MGAT4C: variants seen among roughly 807,000 people sequenced by gnomAD.
MGAT4C encodes the protein MGAT4 family member C, also known as alpha-1,3-mannosyl-glycoprotein 4-beta-N-acetylglucosaminyltransferase C.
In MGAT4C, 19 loss-of-function variants were observed where a neutral mutation model predicts 40.1. The ratio of observed to expected loss-of-function variants is 0.47; its 90% CI spans 0.33 to 0.70. The LOEUF is 0.70. MGAT4C is among the 30% of genes least tolerant of loss of function. The pLI is 0.02. For missense variants in MGAT4C, 491 were observed against 563.2 expected, an observed-to-expected ratio of 0.87 and a Z score of 1.30; for synonymous variants, 181 against 187.1, an observed-to-expected ratio of 0.97 and a Z score of 0.27.
intron 4 of MGAT4C, among the ~76,000 whole-genome samples, chr12:86,319,925 T>G (rs1954338601): frequency 6.6e-6 from 1 of 152,170 alleles, no homozygotes; most frequent in South Asian, 2.1e-4. Flanking sequence ...ATTTTAATTC[T>G]CATAAATTAG....
intron 2 of MGAT4C, among the ~76,000 whole-genome samples, chr12:86,628,007 A>G (rs1277212871): frequency 2.7e-5 from 4 of 150,914 alleles, no homozygotes; most frequent in Admixed American, 2.6e-4. Context: ...AAAAAAGATT[A>G]GATGTATGGC....
At chr12:86,814,747 G>A (rs1207910983) in intron 1 of MGAT4C, among the ~76,000 whole-genome samples, 2 of 151,880 alleles carry the variant, frequency 1.3e-5, no homozygotes, top group African/African-American at 4.8e-5. Flanking sequence ...TGGGATGAGT[G>A]CCCTTATAAA....
At chr12:86,261,557 TATATA>T (rs1952658680) in intron 4 of MGAT4C, among the ~76,000 whole-genome samples, 2 of 152,108 alleles carry the variant, frequency 1.3e-5, no homozygotes, top group South Asian at 4.1e-4. Flanking sequence ...ACTTTTAAGA[TATATA>T]ATAATGTCAT....
chr12:86,206,129 G>A (rs916024196), intron 1 of MGAT4C, among the ~76,000 whole-genome samples: 1 of 152,108 alleles, frequency 6.6e-6, no homozygotes. Context: ...CAATGTGGCA[G>A]TATTGAGAGA....
chr12:86,168,295 A>G (rs1336231633), intron 1 of MGAT4C, among the ~76,000 whole-genome samples: 1 of 152,180 alleles, frequency 6.6e-6, no homozygotes, highest in African/African-American at 2.4e-5. Context: ...ATCATGTTAA[A>G]TTACTGAATT....
chr12:86,640,653 T>C (rs889289297), intron 2 of MGAT4C, among the ~76,000 whole-genome samples: 12 of 152,150 alleles, frequency 7.9e-5, no homozygotes, highest in East Asian at 5.8e-4. Flanking sequence ...AGCTTTTGAA[T>C]GTGTTTGCTC....
At chr12:86,584,939 T>C (rs1276342696) in intron 2 of MGAT4C, among the ~76,000 whole-genome samples, 1 of 151,370 alleles carries the variant, frequency 6.6e-6, no homozygotes. Context: ...AATATTAACT[T>C]CTTATCTGTT....
intron 1 of MGAT4C, among the ~76,000 whole-genome samples, chr12:86,743,613 C>G (rs1191523581): frequency 1.3e-5 from 2 of 151,454 alleles, no homozygotes; most frequent in African/African-American, 4.8e-5. Context: ...GATGAAAGCA[C>G]AGAGGAAATA....
intron 2 of MGAT4C, among the ~76,000 whole-genome samples, chr12:86,508,394 T>A (rs1958510320): frequency 6.6e-6 from 1 of 152,236 alleles, no homozygotes; most frequent in Non-Finnish European, 1.5e-5. Flanking sequence ...GAACTCAACA[T>A]TTTTTATGGT....
chr12:85,993,547 C>T (rs1365581648), intron 2 of MGAT4C, among the ~76,000 whole-genome samples: 1 of 152,100 alleles, frequency 6.6e-6, no homozygotes, highest in East Asian at 1.9e-4. Flanking sequence ...GCTGGAGGGG[C>T]CTTGGTGAAG....
intron 1 of MGAT4C, among the ~76,000 whole-genome samples, chr12:86,235,103 C>A (rs1951477669): frequency 1.3e-5 from 2 of 151,972 alleles, no homozygotes; most frequent in South Asian, 4.1e-4. Flanking sequence ...TTAGTTCATA[C>A]ATCTTCATAG....
intron 2 of MGAT4C, among the ~76,000 whole-genome samples, chr12:86,545,514 G>T (rs980622449): frequency 2.6e-5 from 4 of 151,716 alleles, no homozygotes; most frequent in African/African-American, 7.3e-5. Context: ...CTCGTTGCCA[G>T]ATTAGATGAC....
intron 1 of MGAT4C, among the ~76,000 whole-genome samples, chr12:86,147,952 C>G (rs367847230): frequency 3.5e-4 from 54 of 152,148 alleles, no homozygotes; most frequent in African/African-American, 1.1e-3. Context: ...AAATTTAAAG[C>G]CTCTTGATTT....
intron 2 of MGAT4C, among the ~76,000 whole-genome samples, chr12:86,483,122 T>C (rs1467225932): frequency 6.6e-6 from 1 of 152,182 alleles, no homozygotes; most frequent in African/African-American, 2.4e-5. Context: ...CTTCTTCTTG[T>C]TGTGTCCTCA....
At chr12:86,810,938 CT>C (rs1952459364) in intron 1 of MGAT4C, among the ~76,000 whole-genome samples, 1 of 150,872 alleles carries the variant, frequency 6.6e-6, no homozygotes, top group Non-Finnish European at 1.5e-5. Flanking sequence ...TATTTCCTTC[CT>C]GCTTTTTGCT....
intron 2 of MGAT4C, among the ~76,000 whole-genome samples, chr12:86,446,648 TC>T (rs1234556294): frequency 8.1e-6 from 1 of 124,178 alleles, no homozygotes; most frequent in East Asian, 2.4e-4. Context: ...TAAAATTACA[TC>T]ATGTAACTCA....
chr12:86,227,954 T>C (rs1951161396), intron 1 of MGAT4C, among the ~76,000 whole-genome samples: 1 of 151,920 alleles, frequency 6.6e-6, no homozygotes, highest in South Asian at 2.1e-4. Context: ...AATCATGGCT[T>C]TTTAATATTC....
chr12:86,405,592 A>G (rs758977443), intron 3 of MGAT4C, among the ~76,000 whole-genome samples: 17 of 151,988 alleles, frequency 1.1e-4, no homozygotes, highest in Non-Finnish European at 2.4e-4. Context: ...TTCTTATCAC[A>G]ATTTCTGAAT....
chr12:86,222,844 G>T (rs1007227659), intron 1 of MGAT4C, among the ~76,000 whole-genome samples: 1 of 152,164 alleles, frequency 6.6e-6, no homozygotes, highest in Non-Finnish European at 1.5e-5. Flanking sequence ...GAAGCAAGTC[G>T]ATTGGCAGGA....
Sources: gnomAD v4.1 joint callset for allele counts (sites outside exome capture counted in the v4.1 genomes callset) on GRCh38, gnomAD v4.1.1 for gene constraint, MANE v1.5 for transcripts, NCBI Gene and HGNC (gene_info 2026-07-23, HGNC 2026-07-21) for gene names.